Variants in COG5 observed in about 807,000 individuals in gnomAD.
COG5 encodes component of oligomeric golgi complex 5.
COG5 carries 86 observed loss-of-function variants against 110.4 expected under a neutral mutation model. That is an observed-to-expected ratio of 0.78 (90% confidence interval 0.65 to 0.93). COG5 has a LOEUF of 0.93. COG5 is among the 40% of genes least tolerant of loss of function. The probability of loss-of-function intolerance (pLI) is 0.00; values close to 1 mark genes in which losing one functional copy is unlikely to be tolerated. For synonymous variants in COG5, 360 were observed against 334.6 expected, an observed-to-expected ratio of 1.08 and a Z score of -0.83; for missense variants, 1,077 against 987.0, an observed-to-expected ratio of 1.09 and a Z score of -1.22.
chr7:107,557,280 T>G (rs1013255684), intron 2 of COG5, among the ~76,000 whole-genome samples: 7 of 152,216 alleles, frequency 4.6e-5, no homozygotes, highest in African/African-American at 7.2e-5. Flanking sequence ...ATATGTTCAT[T>G]CATTTAAATA....
intron 7 of COG5, among the ~76,000 whole-genome samples, chr7:107,401,331 C>T (rs186217228): frequency 1.2e-3 from 177 of 152,056 alleles, no homozygotes; most frequent in African/African-American, 3.6e-3. Context: ...AAAGCTATGA[C>T]GGTACATATT....
chr7:107,541,523 A>AAAAATATATATATAT (rs60423657), intron 5 of COG5, among the ~76,000 whole-genome samples: 7 of 57,014 alleles, frequency 1.2e-4, no homozygotes, highest in African/African-American at 4.0e-4. Context: ...AAAAAAAAAA[A>AAAAATATATATATAT]ATATATATAT....
intron 14 of COG5, among the ~76,000 whole-genome samples, chr7:107,276,975 C>T (rs1467576741): frequency 1.3e-5 from 2 of 152,168 alleles, no homozygotes; most frequent in Non-Finnish European, 2.9e-5. Context: ...AAGTTAAACA[C>T]ATATTGCAGG....
intron 6 of COG5, among the ~76,000 whole-genome samples, chr7:107,512,883 T>C (rs1334123042): frequency 2.0e-5 from 3 of 151,606 alleles, no homozygotes; most frequent in Non-Finnish European, 3.0e-5. Context: ...TTACACCTTA[T>C]ACAAAAATTA....
chr7:107,295,066 C>CACATATATAT (rs1366898060), intron 12 of COG5, among the ~76,000 whole-genome samples: 7 of 45,842 alleles, frequency 1.5e-4, no homozygotes, highest in East Asian at 1.1e-3. Flanking sequence ...CACACACACA[C>CACATATATAT]ATATATATAT....
At chr7:107,245,598 G>A (rs1801992848) in intron 17 of COG5, among the ~76,000 whole-genome samples, 1 of 152,046 alleles carries the variant, frequency 6.6e-6, no homozygotes, top group Non-Finnish European at 1.5e-5. Flanking sequence ...AAATCAGAAA[G>A]GCAATACCAT....
At chr7:107,520,936 C>A (rs1584927554) in intron 6 of COG5, among the ~76,000 whole-genome samples, 1 of 152,016 alleles carries the variant, frequency 6.6e-6, no homozygotes, top group Admixed American at 6.6e-5. Context: ...GGTCCTGGTA[C>A]CAAAAGAGAT....
At chr7:107,204,296 T>C (rs1191512771) in intron 21 of COG5, among the ~76,000 whole-genome samples, 1 of 152,166 alleles carries the variant, frequency 6.6e-6, no homozygotes, top group Non-Finnish European at 1.5e-5. Flanking sequence ...TTATATATTG[T>C]CTGTGGCTGC....
Position 107,362,126 on chromosome 7 carries a change from T to C in COG5, c.949-16A>G. 2 of 1,585,090 alleles carry C rather than the reference T, an allele frequency of 1.3e-6. No individual in the cohort carries two copies. Among genetic ancestry groups the C allele is most frequent in the Non-Finnish European group, 1.7e-6 (2 of 1,156,730 alleles). ...GATGTTGTACCTTAAATGAAACAAA[T>C]GTAAAGCTTAGGCAATAGAAAAAGC... is the stretch of plus-strand genomic sequence containing the variant. On this transcript the variant is annotated splice_polypyrimidine_tract_variant and intron_variant, in intron 9 of 21. Transcript: ENST00000297135.
chr7:107,218,565 G>C (rs1799681658), intron 19 of COG5, among the ~76,000 whole-genome samples: 1 of 152,084 alleles, frequency 6.6e-6, no homozygotes, highest in African/African-American at 2.4e-5. Context: ...ACAGTCAATT[G>C]ATTTTCAACA....
chr7:107,510,743 C>T (rs1799437707), intron 6 of COG5, among the ~76,000 whole-genome samples: 1 of 152,162 alleles, frequency 6.6e-6, no homozygotes, highest in East Asian at 1.9e-4. Context: ...AAGAAACTCA[C>T]TCAAAACCGC....
At chr7:107,395,614 G>T (rs1434136787) in intron 7 of COG5, among the ~76,000 whole-genome samples, 1 of 134,784 alleles carries the variant, frequency 7.4e-6, no homozygotes, top group Non-Finnish European at 1.5e-5. Context: ...GAGTACAGTG[G>T]CAAGACCTCG....
Position 107,362,429 on chromosome 7 carries a change from G to A in COG5, c.836-9C>T, listed in dbSNP as rs757452204. 12 of 1,574,510 alleles carry A rather than the reference G, an allele frequency of 7.6e-6. No individual in the cohort carries two copies. Among genetic ancestry groups the A allele is most frequent in the South Asian group, 3.3e-5 (3 of 90,248 alleles). ...AGATCGTCCAGGTCCCCCTGGTTAT[G>A]AGTGAGAAAGAACAATGAAAAATAA... On this transcript the variant is annotated splice_polypyrimidine_tract_variant and intron_variant, in intron 8 of 21. Coordinates refer to ENST00000297135, the MANE Select transcript of COG5 (RefSeq NM_006348.5).
intron 11 of COG5, among the ~76,000 whole-genome samples, chr7:107,307,236 G>A (rs764967120): frequency 6.6e-6 from 1 of 152,074 alleles, no homozygotes; most frequent in East Asian, 1.9e-4. Flanking sequence ...AACAGTGGGC[G>A]TTTTTCTGAT....
At chr7:107,353,392 T>C (rs1377368444) in intron 10 of COG5, among the ~76,000 whole-genome samples, 1 of 123,630 alleles carries the variant, frequency 8.1e-6, no homozygotes, top group Non-Finnish European at 1.6e-5. Flanking sequence ...GCCACTGCAC[T>C]CCAGCCTGGG....
chr7:107,554,217 T>C, intron 3 of COG5, 68 bp downstream of exon 3: 1 of 1,377,990 alleles, frequency 7.3e-7, no homozygotes, highest in Non-Finnish European at 1.0e-6. Context: ...CCATCCAAAG[T>C]AGCTTGCCAA....
intron 6 of COG5, among the ~76,000 whole-genome samples, chr7:107,501,526 G>A (rs1413210812): frequency 6.6e-6 from 1 of 152,046 alleles, no homozygotes; most frequent in Non-Finnish European, 1.5e-5. Context: ...AATGTTTACA[G>A]TAAAAGAGCT....
At chr7:107,300,782 G>A (rs903918928) in intron 11 of COG5, among the ~76,000 whole-genome samples, 1 of 151,912 alleles carries the variant, frequency 6.6e-6, no homozygotes, top group Non-Finnish European at 1.5e-5. Context: ...ATCAATGCAG[G>A]ATTTCTTTTA....
chr7:107,215,941 C>T (rs560318626), intron 19 of COG5, among the ~76,000 whole-genome samples: 16 of 152,132 alleles, frequency 1.1e-4, no homozygotes, highest in Admixed American at 4.6e-4. Context: ...GATCTCCTGA[C>T]CTTGTGATCC....
Sources: gnomAD v4.1 joint callset for allele counts (sites outside exome capture counted in the v4.1 genomes callset) on GRCh38, gnomAD v4.1.1 for gene constraint, MANE v1.5 for transcripts, NCBI Gene and HGNC (gene_info 2026-07-23, HGNC 2026-07-21) for gene names.